The following NR1I2 variants were observed in gnomAD, a reference collection of about 807,000 sequenced individuals.
NR1I2 encodes nuclear receptor subfamily 1 group I member 2.
NR1I2 carries 42 observed loss-of-function variants against 43.3 expected under a neutral mutation model. The observed-to-expected ratio is 0.97, with a 90% CI of 0.76 to 1.26. The LOEUF (loss-of-function observed/expected upper bound fraction) is 1.26. Among genes scored for constraint, NR1I2 ranks in the 50% most tolerant of loss-of-function variants. NR1I2 has a pLI of 0.00. For synonymous variants in NR1I2, 229 were observed against 215.0 expected, an observed-to-expected ratio of 1.06 and a Z score of -0.57; for missense variants, 559 against 566.7, an observed-to-expected ratio of 0.99 and a Z score of 0.14.
chr3:119,790,090 C>T (rs1037074883), intron 1 of NR1I2, among the ~76,000 whole-genome samples: 2 of 152,092 alleles, frequency 1.3e-5, no homozygotes, highest in African/African-American at 4.8e-5. Flanking sequence ...ACTCCCATTC[C>T]CCTCACCCCA....
chr3:119,792,135 A>C (rs923724123), intron 1 of NR1I2: 9 of 817,990 alleles, frequency 1.1e-5, no homozygotes, highest in Non-Finnish European at 1.7e-5. Context: ...GCTTCCTCGC[A>C]TCTTCACCAG....
intron 1 of NR1I2, chr3:119,792,633 C>T (rs1307666072): frequency 2.1e-5 from 12 of 582,730 alleles, no homozygotes; most frequent in Non-Finnish European, 3.4e-5. Flanking sequence ...CTTCTGCCTC[C>T]ACTCCAGAAA....
At chr3:119,790,702 T>C (rs1374742077) in intron 1 of NR1I2, among the ~76,000 whole-genome samples, 1 of 152,274 alleles carries the variant, frequency 6.6e-6, no homozygotes, top group Non-Finnish European at 1.5e-5. Flanking sequence ...GATGTTCTTT[T>C]AAATGTGTAC....
chr3:119,790,119 A>G (rs1356762636), intron 1 of NR1I2, among the ~76,000 whole-genome samples: 2 of 152,062 alleles, frequency 1.3e-5, no homozygotes, highest in Admixed American at 1.3e-4. Context: ...GGCAACCACC[A>G]TTCTACTTTC....
chr3:119,790,638 A>G (rs146836319), intron 1 of NR1I2, among the ~76,000 whole-genome samples: 12 of 152,126 alleles, frequency 7.9e-5, no homozygotes, highest in Non-Finnish European at 1.5e-4. Flanking sequence ...TTCCCTTTGC[A>G]TTTGCCTTAT....
chr3:119,793,772 T>TA (rs375438725), intron 1 of NR1I2, among the ~76,000 whole-genome samples: 13 of 152,358 alleles, frequency 8.5e-5, no homozygotes, highest in African/African-American at 3.1e-4. Flanking sequence ...TCACATGTTC[T>TA]GGGGATAAGG....
At position 119,813,076 on chromosome 3, in the gene NR1I2, T is replaced by C. The variant is rs1054813007; in HGVS notation, c.794+116T>C. ...GGATATTGGTGTCAGAAGACCCTCC[T>C]TTTCCTGTGCCCTTTCCCCGGGCAG... On this transcript the variant is annotated intron_variant, in intron 5 of 8. Coordinates refer to ENST00000393716, the MANE Select transcript of NR1I2 (RefSeq NM_003889.4). The C allele has an allele frequency of 8.6e-6, 10 of 1,162,102 alleles. No individual in the cohort carries two copies. The East Asian group carries it at 2.5e-4, about 29-fold the overall frequency. 72.0% of individuals were successfully genotyped at this position (1,162,102 alleles called of 1,614,324 possible). A position where few individuals can be genotyped will look rare whatever the true frequency, so the allele number is the denominator to read the frequency against.
chr3:119,789,681 C>T (rs929957204), intron 1 of NR1I2, among the ~76,000 whole-genome samples: 3 of 152,158 alleles, frequency 2.0e-5, no homozygotes, highest in South Asian at 2.1e-4. Flanking sequence ...TGCTGCTTCT[C>T]CTCCTCACAA....
intron 1 of NR1I2, chr3:119,792,434 G>T: frequency 8.5e-7 from 1 of 1,178,598 alleles, no homozygotes. Context: ...TGCAGGGGAC[G>T]GCCTGATGGA....
intron 1 of NR1I2, chr3:119,792,374 CA>C (rs2107951244): frequency 7.3e-7 from 1 of 1,366,780 alleles, no homozygotes; most frequent in Non-Finnish European, 1.0e-6. Flanking sequence ...CAGTGGAAGC[CA>C]AACAGGTGGC....
chr3:119,785,679 T>A (rs2054833822), intron 1 of NR1I2, among the ~76,000 whole-genome samples: 1 of 152,166 alleles, frequency 6.6e-6, no homozygotes, highest in Admixed American at 6.5e-5. Context: ...GATCATGACT[T>A]CCCTTTCTCA....
chr3:119,810,450 T>G, intron 3 of NR1I2: 1 of 564,950 alleles, frequency 1.8e-6, no homozygotes, highest in Non-Finnish European at 3.1e-6. Flanking sequence ...GGGCGTGCCC[T>G]CTGTCTCCCC....
Position 119,817,132 on chromosome 3 carries a change from C to T in NR1I2, c.1225C>T (p.Gln409Ter). Reference sequence around the variant, plus strand: ...CCGCAGCATCAATGCTCAGCACACCCAGCGGCTGCTGCGCATCCAGGACAT... The same window carrying T: ...CCGCAGCATCAATGCTCAGCACACCTAGCGGCTGCTGCGCATCCAGGACAT... The change falls in exon 9 of 9, where the codon CAG becomes TAG. Residue 409 changes from glutamine to a stop codon, truncating the protein, a stop_gained. Coordinates refer to ENST00000393716, the MANE Select transcript of NR1I2 (RefSeq NM_003889.4). LOFTEE classifies it high-confidence loss of function. The T allele has an allele frequency of 6.2e-7, 1 of 1,614,212 alleles. No individual in the cohort carries two copies.
At chr3:119,783,070 T>C (rs1323940970) in intron 1 of NR1I2, among the ~76,000 whole-genome samples, 1 of 151,490 alleles carries the variant, frequency 6.6e-6, no homozygotes, top group East Asian at 2.0e-4. Flanking sequence ...GAATCAGCTA[T>C]AGCAGGCACT....
chr3:119,817,853 G>A lies in NR1I2; in HGVS notation c.*641G>A. 2.0e-6 allele frequency: 2 copies of A among 994,360 alleles called. No homozygotes were observed. Among genetic ancestry groups the A allele is most frequent in the South Asian group, 9.0e-5 (2 of 22,236 alleles). The allele number at this position is 994,360 out of a possible 1,614,324, so 61.6% of individuals were successfully genotyped here. A position where few individuals can be genotyped will look rare whatever the true frequency, so the allele number is the denominator to read the frequency against. ...TCATTCTGTGTCTCTGCATCCATTT[G>A]AACACATTATTAAGCACCGATAATA... On this transcript the variant is annotated 3_prime_UTR_variant, in exon 9 of 9. Transcript: ENST00000393716.
At chr3:119,790,329 T>G (rs1285926231) in intron 1 of NR1I2, among the ~76,000 whole-genome samples, 1 of 152,242 alleles carries the variant, frequency 6.6e-6, no homozygotes, top group Non-Finnish European at 1.5e-5. Context: ...TTGGGTTGCT[T>G]CTACATTTTG....
At chr3:119,807,475 C>T (rs567527336) in intron 2 of NR1I2, 28 bp downstream of exon 2, 5 of 1,586,824 alleles carry the variant, frequency 3.2e-6, no homozygotes, top group South Asian at 2.2e-5. Flanking sequence ...CCTTCACCCA[C>T]GTGCCACCAC....
chr3:119,789,919 T>C (rs1338609848), intron 1 of NR1I2, among the ~76,000 whole-genome samples: 3 of 152,216 alleles, frequency 2.0e-5, no homozygotes, highest in East Asian at 1.9e-4. Context: ...AGGAGCAGGA[T>C]TGAAAAATTA....
At chr3:119,816,127 C>G (rs563147117) in intron 8 of NR1I2, among the ~76,000 whole-genome samples, 3 of 152,294 alleles carry the variant, frequency 2.0e-5, no homozygotes, top group South Asian at 4.1e-4. Flanking sequence ...TTTTACGGAG[C>G]CCAAGGCCAT....
Sources: gnomAD v4.1 joint callset for allele counts (sites outside exome capture counted in the v4.1 genomes callset) on GRCh38, gnomAD v4.1.1 for gene constraint, MANE v1.5 for transcripts, NCBI Gene and HGNC (gene_info 2026-07-23, HGNC 2026-07-21) for gene names.